The following TRMT9B variants were observed in gnomAD, a reference collection of about 807,000 sequenced individuals.
TRMT9B encodes the protein probable tRNA methyltransferase 9B.
Under a neutral mutation model 11.5 loss-of-function variants are expected in TRMT9B, and 16 were observed. The ratio of observed to expected loss-of-function variants is 1.39; its 90% CI spans 0.94 to 2.11. The LOEUF (loss-of-function observed/expected upper bound fraction) is 2.11. Ranked by LOEUF, TRMT9B falls within the 30% of genes most tolerant of loss-of-function variation. The probability of loss-of-function intolerance (pLI) is 0.00; values close to 1 mark genes in which losing one functional copy is unlikely to be tolerated. For missense variants in TRMT9B, 941 were observed against 553.8 expected, an observed-to-expected ratio of 1.70 and a Z score of -7.02; for synonymous variants, 274 against 192.4, an observed-to-expected ratio of 1.42 and a Z score of -3.51.
chr8:12,979,379 C>G (rs1804988551), intron 1 of TRMT9B, among the ~76,000 whole-genome samples: 2 of 152,106 alleles, frequency 1.3e-5, no homozygotes, highest in South Asian at 4.1e-4. Context: ...ATAAGACAAT[C>G]AAGCCTGTGT....
chr8:12,956,492 AAAT>A lies in TRMT9B; in HGVS notation c.-200+10530_-200+10532del, dbSNP rs375484661. Among the ~76,000 whole-genome samples the A allele has an allele frequency of 1.1e-4, 17 of 152,348 alleles. 1 individual carries two copies. The East Asian group carries it at 1.9e-3, about 17-fold the overall frequency. ...TCTGCATACGGTACTAATTGAATGA[AAAT>A]AATGTTTCTTAGGTTTGATTTCATA... On this transcript the variant is annotated intron_variant, in intron 1 of 4. Transcript: ENST00000524591.
At chr8:12,951,868 G>C (rs999537104) in intron 1 of TRMT9B, 1 of 151,982 alleles carries the variant, frequency 6.6e-6, no homozygotes, top group Admixed American at 6.6e-5. Context: ...AGAAGGGCTA[G>C]CGAAGCACCC....
In TRMT9B at chr8:13,005,425, AAG is replaced by A. The variant is rs1810280609; in HGVS notation, c.-1-774_-1-773del. Among the ~76,000 whole-genome samples, 4 of 152,326 alleles carry A rather than the reference AAG, an allele frequency of 2.6e-5. No homozygotes were observed. In the South Asian group the frequency reaches 8.3e-4, roughly 32 times the overall value. ...TATTTGTACATTTTTAAATGACTAA[AAG>A]AGTATATTGGATTGTTTGTAACATA... On this transcript the variant is annotated intron_variant, in intron 2 of 4. Coordinates refer to ENST00000524591, the MANE Select transcript of TRMT9B (RefSeq NM_020844.3).
At chr8:12,967,721 A>G (rs1045256188) in intron 1 of TRMT9B, among the ~76,000 whole-genome samples, 2 of 152,212 alleles carry the variant, frequency 1.3e-5, no homozygotes, top group African/African-American at 2.4e-5. Flanking sequence ...ATGTCAGGAG[A>G]GTATTAAATA....
chr8:12,952,782 C>G (rs1800796591), intron 1 of TRMT9B: 1 of 691,566 alleles, frequency 1.4e-6, no homozygotes, highest in South Asian at 6.5e-5. Context: ...CTCTGTCACC[C>G]AGGCTGGAGT....
At chr8:12,979,101 C>G (rs1486384725) in intron 1 of TRMT9B, among the ~76,000 whole-genome samples, 3 of 152,134 alleles carry the variant, frequency 2.0e-5, no homozygotes, top group African/African-American at 7.2e-5. Context: ...GGGCTGAGCT[C>G]TCTCCCTCTT....
rs144562744 is a variant in TRMT9B at position 13,010,612 on chromosome 8, C to A, written c.155-2072C>A. ...ACTGGAAGCATGTCAGGAGAAAAGA[C>A]CTCTGTTTCCTTCTTATTACAAAAT... On this transcript the variant is annotated intron_variant, in intron 3 of 4. Transcript: ENST00000524591. 8.9e-5 allele frequency: 88 copies of A among 985,170 alleles called. No homozygotes were observed. The African/African-American group carries it at 1.3e-3, about 15-fold the overall frequency. The allele number at this position is 985,170 out of a possible 1,614,324, so 61.0% of individuals were successfully genotyped here.
At chr8:13,008,669 C>A (rs958150365) in intron 3 of TRMT9B, among the ~76,000 whole-genome samples, 2 of 152,256 alleles carry the variant, frequency 1.3e-5, no homozygotes, top group East Asian at 3.9e-4. Flanking sequence ...CAATTCAAGT[C>A]AAAAGACCAA....
At chr8:12,989,418 C>T (rs1806933740) in intron 1 of TRMT9B, among the ~76,000 whole-genome samples, 1 of 152,194 alleles carries the variant, frequency 6.6e-6, no homozygotes. Flanking sequence ...GAAAAAGAAG[C>T]AAAATCAGTC....
At position 13,021,886 on chromosome 8, in the gene TRMT9B, T is replaced by G; in HGVS notation, c.1207T>G (p.Leu403Val). ...MSVEDPQTDV[L>V]DSTAFMRYYH... ...TGTCGAAGATCCACAGACTGATGTTTTGGACTCCACAGCCTTTATGCGCTA... is the reference window on the plus strand; with the variant it reads ...TGTCGAAGATCCACAGACTGATGTTGTGGACTCCACAGCCTTTATGCGCTA... Residue 403 changes from leucine to valine, a missense_variant, in exon 5 of 5, where the codon TTG (leucine) becomes GTG (valine). Leu to Val is a conservative substitution (Grantham distance 32). Transcript: ENST00000524591. The G allele has an allele frequency of 1.2e-6, 2 of 1,613,862 alleles. No individual in the cohort carries two copies. The highest frequency in any genetic ancestry group is 8.5e-7 in the Non-Finnish European group (1 of 1,179,886).
At chr8:12,989,727 A>T (rs1234111663) in intron 1 of TRMT9B, among the ~76,000 whole-genome samples, 1 of 152,238 alleles carries the variant, frequency 6.6e-6, no homozygotes, top group Admixed American at 6.5e-5. Context: ...TTACCCTGTC[A>T]TAGGGACTCA....
intron 1 of TRMT9B, among the ~76,000 whole-genome samples, chr8:12,947,892 G>T (rs1166425250): frequency 6.6e-6 from 1 of 152,166 alleles, no homozygotes; most frequent in Non-Finnish European, 1.5e-5. Context: ...AAGCATTGGG[G>T]CTGCCTTGCT....
chr8:13,018,916 T>A (rs1010988503), intron 4 of TRMT9B, among the ~76,000 whole-genome samples: 1 of 152,188 alleles, frequency 6.6e-6, no homozygotes, highest in Admixed American at 6.5e-5. Flanking sequence ...AGCACAAACA[T>A]GCAGAAAATG....
intron 3 of TRMT9B, chr8:13,007,345 A>T (rs1172925633): frequency 6.6e-6 from 1 of 152,190 alleles, no homozygotes; most frequent in Non-Finnish European, 1.5e-5. Flanking sequence ...AGAACTGGTA[A>T]ACCACAGCTT....
At chr8:13,006,812 G>A in intron 3 of TRMT9B, 1 of 330,582 alleles carries the variant, frequency 3.0e-6, no homozygotes, top group Non-Finnish European at 4.8e-6. Flanking sequence ...ATGATTACAG[G>A]CACCCGCCAC....
chr8:13,028,190 C>T lies in TRMT9B; in HGVS notation c.*6146C>T, dbSNP rs571772377. ...TCTGTCCTCTTGTGGTGCGGGTCTT[C>T]CCCAGTTGATTATACACAGATAATC... On this transcript the variant is annotated 3_prime_UTR_variant, in exon 5 of 5. Transcript: ENST00000524591. 1 of 167,164 alleles carries T rather than the reference C, an allele frequency of 6.0e-6. No individual in the cohort carries two copies. The highest frequency in any genetic ancestry group is 2.4e-5 in the African/African-American group (1 of 41,568). The allele number at this position is 167,164 out of a possible 1,614,324, so 10.4% of individuals were successfully genotyped here.
intron 4 of TRMT9B, among the ~76,000 whole-genome samples, chr8:13,020,282 C>T (rs1254820368): frequency 6.6e-6 from 1 of 152,122 alleles, no homozygotes; most frequent in Non-Finnish European, 1.5e-5. Flanking sequence ...CGTGATTATA[C>T]TCCCTCAAAA....
chr8:12,987,257 A>G (rs1342271562), intron 1 of TRMT9B, among the ~76,000 whole-genome samples: 2 of 152,198 alleles, frequency 1.3e-5, no homozygotes, highest in Admixed American at 6.5e-5. Context: ...CCTATATTAT[A>G]TAGTTATTGG....
intron 4 of TRMT9B, among the ~76,000 whole-genome samples, chr8:13,019,077 A>T (rs1585414926): frequency 1.3e-5 from 2 of 152,140 alleles, no homozygotes; most frequent in East Asian, 3.9e-4. Context: ...ATGACCATGA[A>T]AGTCTGGAGT....
Sources: allele counts gnomAD v4.1 joint callset (sites outside exome capture counted in the v4.1 genomes callset), GRCh38; gene constraint gnomAD v4.1.1; transcripts MANE v1.5; gene names NCBI Gene and HGNC (gene_info 2026-07-23, HGNC 2026-07-21).